The following TIAM2 variants were observed in gnomAD, a reference collection of about 807,000 sequenced individuals.
The protein encoded by TIAM2 is rho guanine nucleotide exchange factor TIAM2.
Under a neutral mutation model 152.9 loss-of-function variants are expected in TIAM2, and 80 were observed. That is an observed-to-expected ratio of 0.52 (90% CI 0.44 to 0.63). TIAM2 has a LOEUF of 0.63. Among genes scored for constraint, TIAM2 ranks in the 30% least tolerant of loss-of-function variants. The pLI, the probability that TIAM2 is intolerant of heterozygous loss-of-function variation, is 0.00. For synonymous variants in TIAM2, 804 were observed against 838.0 expected (o/e 0.96, Z 0.70); for missense variants, 1,965 against 2,120.1 (o/e 0.93, Z 1.44).
At chr6:155,086,863 CATG>C (rs1465062968) in intron 1 of TIAM2, among the ~76,000 whole-genome samples, 1 of 152,178 alleles carries the variant, frequency 6.6e-6, no homozygotes, top group Non-Finnish European at 1.5e-5. Flanking sequence ...TCAGTTATTT[CATG>C]AACACATTTA....
intron 1 of TIAM2, among the ~76,000 whole-genome samples, chr6:155,088,325 C>T (rs1227575502): frequency 1.3e-5 from 2 of 152,062 alleles, no homozygotes; most frequent in African/African-American, 4.8e-5. Context: ...AGGTGATCTG[C>T]CCACCTCGGC....
chr6:155,014,906 T>C (rs973683205), intron 1 of TIAM2, among the ~76,000 whole-genome samples: 1 of 152,064 alleles, frequency 6.6e-6, no homozygotes, highest in African/African-American at 2.4e-5. Flanking sequence ...CATGTTGAGT[T>C]TGGAGTATGA....
intron 1 of TIAM2, among the ~76,000 whole-genome samples, chr6:155,050,081 C>A (rs1777284780): frequency 6.6e-6 from 1 of 152,170 alleles, no homozygotes; most frequent in South Asian, 2.1e-4. Flanking sequence ...AATGGATCCT[C>A]CTGGTAATAA....
chr6:155,109,023 G>A (rs995737921), intron 2 of TIAM2, among the ~76,000 whole-genome samples: 5 of 151,816 alleles, frequency 3.3e-5, no homozygotes, highest in East Asian at 3.9e-4. Flanking sequence ...TCACTCTGTC[G>A]CCCAGGCTGG....
Position 155,182,787 on chromosome 6 carries a change from C to T in TIAM2, c.2801-450C>T, listed in dbSNP as rs572891533. 1.2e-4 allele frequency among the ~76,000 whole-genome samples: 18 copies of T among 152,106 alleles called. No homozygotes were observed. In the South Asian group the frequency reaches 2.9e-3, roughly 25 times the overall value. ...AACATGGGAACACTAGAAAAAACAA[C>T]GAATGAGTGGTTCTCAGGAGGCTGA... On this transcript the variant is annotated intron_variant, in intron 13 of 26. Coordinates refer to ENST00000682666, the MANE Select transcript of TIAM2 (RefSeq NM_012454.4).
chr6:155,100,404 A>G (rs1778528306), intron 2 of TIAM2, among the ~76,000 whole-genome samples: 1 of 152,154 alleles, frequency 6.6e-6, no homozygotes, highest in Non-Finnish European at 1.5e-5. Context: ...CTCTGTGAAA[A>G]TTTTGCTTGA....
At chr6:155,106,851 G>T (rs1778703928) in intron 2 of TIAM2, among the ~76,000 whole-genome samples, 1 of 152,236 alleles carries the variant, frequency 6.6e-6, no homozygotes, top group African/African-American at 2.4e-5. Flanking sequence ...GGCTGTCCCG[G>T]CTAATGGCTT....
chr6:155,083,114 G>A (rs2015258), intron 1 of TIAM2, among the ~76,000 whole-genome samples: 15,802 of 151,992 alleles, frequency 0.1, 1,389 homozygotes, highest in East Asian at 0.43. Context: ...TTGGGAGACC[G>A]AGACAGGTGG....
rs1778305689 is a variant in TIAM2 at position 155,091,551 on chromosome 6, C to T, written c.-118+1172C>T. On this transcript the variant is annotated intron_variant, in intron 2 of 26. Transcript: ENST00000682666. ...ATTTTTTTGAAATGTGAATTCCTCC[C>T]TCACATTATGATCAAATTTAACATT... Among the ~76,000 whole-genome samples the T allele has an allele frequency of 3.3e-5, 5 of 152,252 alleles. No homozygotes were observed. The South Asian group carries it at 8.3e-4, about 25-fold the overall frequency.
chr6:155,015,453 C>T (rs1053272710), intron 1 of TIAM2, among the ~76,000 whole-genome samples: 2 of 151,874 alleles, frequency 1.3e-5, no homozygotes, highest in African/African-American at 4.8e-5. Context: ...TGACTGAAAC[C>T]ATGAGAAATA....
chr6:155,222,540 G>A (rs1782083822), intron 15 of TIAM2, among the ~76,000 whole-genome samples: 1 of 151,508 alleles, frequency 6.6e-6, no homozygotes, highest in Admixed American at 6.6e-5. Flanking sequence ...GGCAGAGGTT[G>A]CAGTGAGCCA....
At chr6:155,031,888 T>A (rs1776827633) in intron 1 of TIAM2, among the ~76,000 whole-genome samples, 1 of 152,172 alleles carries the variant, frequency 6.6e-6, no homozygotes, top group African/African-American at 2.4e-5. Flanking sequence ...TAAGGAAAAT[T>A]CTTGGGAACA....
intron 2 of TIAM2, among the ~76,000 whole-genome samples, chr6:155,094,978 C>G (rs1317893525): frequency 6.6e-6 from 1 of 151,944 alleles, no homozygotes; most frequent in Admixed American, 6.6e-5. Flanking sequence ...GACTCATTTC[C>G]TCCCTCTTTT....
At chr6:155,097,709 T>G (rs944851624) in intron 2 of TIAM2, among the ~76,000 whole-genome samples, 5 of 152,182 alleles carry the variant, frequency 3.3e-5, no homozygotes. Context: ...GCTTTTGAGG[T>G]CTTAGACAGA....
At chr6:155,232,925 A>T (rs1782551885) in intron 15 of TIAM2, 1 of 152,236 alleles carries the variant, frequency 6.6e-6, no homozygotes, top group African/African-American at 2.4e-5. Context: ...TGTATGCCAC[A>T]TTACCCCAAA....
At chr6:155,029,431 GTATATATTATACTATAGTATATATTATA>G (rs1776751433) in intron 1 of TIAM2, among the ~76,000 whole-genome samples, 1 of 5,704 alleles carries the variant, frequency 1.8e-4, no homozygotes, top group East Asian at 0.011. Flanking sequence ...ATATACTATA[GTATATATTATACTATAGTATATATTATA>G]TATAATATAT....
At chr6:155,253,926 A>G in intron 24 of TIAM2, 47 bp from the exon 25 acceptor site, 1 of 1,506,598 alleles carries the variant, frequency 6.6e-7, no homozygotes, top group Non-Finnish European at 9.1e-7. Context: ...TAACCACAGC[A>G]TTTTGGGCAA....
intron 23 of TIAM2, among the ~76,000 whole-genome samples, chr6:155,252,251 G>C (rs1352645427): frequency 6.6e-6 from 1 of 152,142 alleles, no homozygotes; most frequent in Admixed American, 6.5e-5. Context: ...GGGAGGCTGA[G>C]GCTTGAGCCC....
At chr6:155,183,750 C>T (rs1330378657) in intron 14 of TIAM2, among the ~76,000 whole-genome samples, 1 of 152,004 alleles carries the variant, frequency 6.6e-6, no homozygotes, top group East Asian at 1.9e-4. Context: ...AAATCATGGA[C>T]TCTTTAAAAA....
Sources: gnomAD v4.1 joint callset for allele counts (sites outside exome capture counted in the v4.1 genomes callset) on GRCh38, gnomAD v4.1.1 for gene constraint, MANE v1.5 for transcripts, NCBI Gene and HGNC (gene_info 2026-07-23, HGNC 2026-07-21) for gene names.